ATCAY: variants seen among roughly 807,000 people sequenced by gnomAD.
ATCAY encodes caytaxin.
In ATCAY, 22 loss-of-function variants were observed where a neutral mutation model predicts 47.7. The observed-to-expected ratio is 0.46, with a 90% confidence interval of 0.33 to 0.66. ATCAY has a LOEUF of 0.66. ATCAY is among the 30% of genes least tolerant of loss of function. The pLI, the probability that ATCAY is intolerant of heterozygous loss-of-function variation, is 0.02. For missense variants in ATCAY, 452 were observed against 515.0 expected, an observed-to-expected ratio of 0.88 and a Z score of 1.18; for synonymous variants, 216 against 207.6, an observed-to-expected ratio of 1.04 and a Z score of -0.35.
In ATCAY at chr19:3,905,442, A is replaced by G; in HGVS notation, c.145A>G (p.Asn49Asp). The G allele has an allele frequency of 6.2e-7, 1 of 1,608,288 alleles. No homozygotes were observed. Residue 49 changes from asparagine (N) to aspartate (D), a missense_variant, in exon 4 of 13, where the codon AAC becomes GAC. Physicochemically the swap from Asn to Asp is conservative, Grantham distance 23. Transcript: ENST00000450849. ...TTCTCATTTCCCTGCAGCTCCTCCC[A>G]ACACGCTAAATTTCAACGGAGCGCA... The part of the protein sequence containing the change: ...SPVEDTSSPP[N>D]TLNFNGAHRK...
chr19:3,914,210 TG>T (rs1211220338), intron 9 of ATCAY, among the ~76,000 whole-genome samples: 1 of 110,986 alleles, frequency 9.0e-6, no homozygotes. Flanking sequence ...CACTCCAGCC[TG>T]GGCCACAGAG....
intron 2 of ATCAY, among the ~76,000 whole-genome samples, chr19:3,887,057 G>A (rs1351418053): frequency 1.3e-5 from 2 of 152,012 alleles, no homozygotes; most frequent in Non-Finnish European, 2.9e-5. Flanking sequence ...CAAGAGCAGG[G>A]GTCTTTGTTT....
At chr19:3,905,397 AG>A (rs751387636) in intron 3 of ATCAY, 36 bp from the exon 4 acceptor site, 9 of 1,533,460 alleles carry the variant, frequency 5.9e-6, no homozygotes, top group Non-Finnish European at 7.9e-6. Context: ...AAAGAGAGAA[AG>A]CAAAGATGTT....
chr19:3,899,032 A>G (rs12052042), intron 2 of ATCAY, among the ~76,000 whole-genome samples: 19,651 of 152,178 alleles, frequency 0.13, 1,509 homozygotes, highest in South Asian at 0.22. Context: ...AATTATGTTC[A>G]TTCAAGTATG....
chr19:3,898,190 T>C (rs1568446592), intron 2 of ATCAY, among the ~76,000 whole-genome samples: 1 of 152,072 alleles, frequency 6.6e-6, no homozygotes, highest in African/African-American at 2.4e-5. Flanking sequence ...TTTTTTTCTT[T>C]TCTTTTCTGT....
chr19:3,921,801 G>C (rs955384894), intron 12 of ATCAY, among the ~76,000 whole-genome samples: 3 of 152,004 alleles, frequency 2.0e-5, no homozygotes, highest in African/African-American at 7.2e-5. Flanking sequence ...GGAGGCTGAG[G>C]CAAGAGAATT....
chr19:3,914,757 G>T (rs2038952449), intron 9 of ATCAY, among the ~76,000 whole-genome samples: 1 of 151,356 alleles, frequency 6.6e-6, no homozygotes, highest in Non-Finnish European at 1.5e-5. Context: ...GGAGGCAGAG[G>T]TTGTGGTGAG....
At chr19:3,889,704 G>A (rs1030380485) in intron 2 of ATCAY, among the ~76,000 whole-genome samples, 4 of 152,146 alleles carry the variant, frequency 2.6e-5, no homozygotes, top group African/African-American at 9.6e-5. Flanking sequence ...CAATTCCCCA[G>A]CAGGTTTGCT....
intron 12 of ATCAY, 71 bp downstream of exon 12, chr19:3,920,869 T>C (rs1202006822): frequency 6.4e-7 from 1 of 1,566,904 alleles, no homozygotes; most frequent in Non-Finnish European, 8.8e-7. Flanking sequence ...TAGTCAGGGT[T>C]CTCTAGAAGG....
chr19:3,900,074 T>TTATTGATAATCAACATTGATCAATAACAA (rs2038803034), intron 2 of ATCAY, among the ~76,000 whole-genome samples: 1 of 152,146 alleles, frequency 6.6e-6, no homozygotes, highest in Non-Finnish European at 1.5e-5. Flanking sequence ...ATACTATTGG[T>TTATTGATAATCAACATTGATCAATAACAA]TATTGATAAT....
At chr19:3,914,235 C>CAAAAAAAAAAAAAAAAAAAAAAAA (rs56742726) in intron 9 of ATCAY, among the ~76,000 whole-genome samples, 1 of 62,568 alleles carries the variant, frequency 1.6e-5, no homozygotes, top group African/African-American at 1.0e-4. Context: ...GACTCCATCG[C>CAAAAAAAAAAAAAAAAAAAAAAAA]AAAAAAAAAA....
rs1307058386 is a variant in ATCAY at position 3,925,662 on chromosome 19, A to C, written c.*1070A>C. 6.6e-6 allele frequency: 1 copy of C among 152,218 alleles called. No individual in the cohort carries two copies. The highest frequency in any genetic ancestry group is 1.5e-5 in the Non-Finnish European group (1 of 68,048). The allele number at this position is 152,218 out of a possible 1,614,324, so 9.4% of individuals were successfully genotyped here. On this transcript the variant is annotated 3_prime_UTR_variant, in exon 13 of 13. Transcript: ENST00000450849. This position sits in a 1 kb window ranked among gnomAD's most constrained non-coding sequence, Gnocchi z 4.4. ...TTCTAATGTGGTCCAAATGCGGATC[A>C]CTGGTCAGATGGACTCTAGAAGCAC...
Position 3,927,236 on chromosome 19 carries a change from A to T in ATCAY, c.*2644A>T, listed in dbSNP as rs1374707873. The stretch of plus-strand genomic sequence containing the variant: ...ACTGACTCAAAAGAAAAAAAATGAC[A>T]GAAGCCTGATTATCAGACTGCCCGG... On this transcript the variant is annotated 3_prime_UTR_variant, in exon 13 of 13. Coordinates refer to ENST00000450849, the MANE Select transcript of ATCAY (RefSeq NM_033064.5). 2 of 152,172 alleles carry T rather than the reference A, an allele frequency of 1.3e-5. No homozygotes were observed. Among genetic ancestry groups the T allele is most frequent in the Non-Finnish European group, 2.9e-5 (2 of 68,050 alleles). The allele number at this position is 152,172 out of a possible 1,614,324, so 9.4% of individuals were successfully genotyped here.
At chr19:3,917,611 G>GAAAAAAAAAAAAAAAAAAAAAAAAAAA in intron 9 of ATCAY, 131 bp from the exon 10 acceptor site, 1 of 481,232 alleles carries the variant, frequency 2.1e-6, no homozygotes, top group African/African-American at 2.8e-5. Context: ...AAAAAAAAAA[G>GAAAAAAAAAAAAAAAAAAAAAAAAAAA]GAAGAAGAAG....
Position 3,890,326 on chromosome 19 carries a change from G to A in ATCAY, c.77+4482G>A, listed in dbSNP as rs547805985. 2.3e-5 allele frequency among the ~76,000 whole-genome samples: 3 copies of A among 131,414 alleles called. No individual in the cohort carries two copies. In the South Asian group the frequency reaches 7.6e-4, roughly 33 times the overall value. 86.2% of individuals were successfully genotyped at this position (131,414 alleles called of 152,430 possible). ...CACCTAAGCTGGAGTGCAGTGGCGC[G>A]AGTTCGGCTCACTGCAACCTCCACC... On this transcript the variant is annotated intron_variant, in intron 2 of 12. Transcript: ENST00000450849.
At chr19:3,914,027 G>A (rs532324221) in intron 9 of ATCAY, among the ~76,000 whole-genome samples, 171 bp downstream of exon 9, 4 of 151,692 alleles carry the variant, frequency 2.6e-5, no homozygotes, top group African/African-American at 7.3e-5. Context: ...ACGAGGTCAG[G>A]GGATCGAGAC....
chr19:3,905,273 G>A lies in ATCAY; in HGVS notation c.137-161G>A, dbSNP rs552658411. ...ATTCACCCCTGTCAGGATGATGTCG[G>A]TTTAATTCTGCCCACCCCCGCCAAT... On this transcript the variant is annotated intron_variant, in intron 3 of 12. Transcript: ENST00000450849. Among the ~76,000 whole-genome samples the A allele has an allele frequency of 2.7e-4, 41 of 152,234 alleles. 1 individual carries two copies. Among genetic ancestry groups the A allele is most frequent in the African/African-American group, 8.7e-4 (36 of 41,554 alleles).
chr19:3,910,906 G>T lies in ATCAY; in HGVS notation c.866+17G>T. 6.2e-7 allele frequency: 1 copy of T among 1,613,732 alleles called. No homozygotes were observed. Among genetic ancestry groups the T allele is most frequent in the Non-Finnish European group, 8.5e-7 (1 of 1,179,640 alleles). On this transcript the variant is annotated intron_variant, in intron 8 of 12. Coordinates refer to ENST00000450849, the MANE Select transcript of ATCAY (RefSeq NM_033064.5). ...TTTCATCAGGTGAGACGGGGAGGCT[G>T]CAACCCAAGTCCAGTGGCCTCAGTG...
At chr19:3,922,783 C>T (rs1192029203) in intron 12 of ATCAY, among the ~76,000 whole-genome samples, 3 of 152,042 alleles carry the variant, frequency 2.0e-5, no homozygotes, top group Non-Finnish European at 4.4e-5. Context: ...CTCGCTCTGT[C>T]GCCCAGGCTG....
Sources: allele counts gnomAD v4.1 joint callset (sites outside exome capture counted in the v4.1 genomes callset), GRCh38; gene constraint gnomAD v4.1.1; non-coding constraint Gnocchi (gnomAD v3.1); transcripts MANE v1.5; gene names NCBI Gene and HGNC (gene_info 2026-07-23, HGNC 2026-07-21).